JAK2: variants seen among roughly 807,000 people sequenced by gnomAD.
JAK2 encodes the protein tyrosine-protein kinase JAK2.
Under a neutral mutation model 139.3 loss-of-function variants are expected in JAK2, and 86 were observed. That is an observed-to-expected ratio of 0.62 (90% confidence interval 0.52 to 0.74). The LOEUF (loss-of-function observed/expected upper bound fraction) is 0.74. Among genes scored for constraint, JAK2 ranks in the 30% least tolerant of loss-of-function variants. The probability of loss-of-function intolerance (pLI) is 0.00; values close to 1 mark genes in which losing one functional copy is unlikely to be tolerated. For missense variants in JAK2, 1,421 were observed against 1,360.3 expected (o/e 1.04, Z -0.70); for synonymous variants, 490 against 437.7 (o/e 1.12, Z -1.49).
intron 19 of JAK2, among the ~76,000 whole-genome samples, chr9:5,082,810 C>T (rs1382489627): frequency 1.3e-5 from 2 of 152,266 alleles, no homozygotes; most frequent in Non-Finnish European, 2.9e-5. Flanking sequence ...ACATCCTACA[C>T]AGCCCTAGCC....
chr9:5,068,877 TTCTATCA>T (rs1818751330), intron 10 of JAK2, 138 bp from the exon 11 acceptor site: 1 of 494,584 alleles, frequency 2.0e-6, no homozygotes, highest in Non-Finnish European at 3.5e-6. Context: ...AACTAAGTAC[TTCTATCA>T]CTATACTGGC....
At position 5,091,875 on chromosome 9, in the gene JAK2, G is replaced by A. The variant is rs752406000; in HGVS notation, c.3059+964G>A. On this transcript the variant is annotated intron_variant, in intron 22 of 24. Coordinates refer to ENST00000381652, the MANE Select transcript of JAK2 (RefSeq NM_004972.4). ...GTTATGAAATTAAGCTCTATTGCTA[G>A]TAAGAGACCTAGGGTGGTTACACCT... Among the ~76,000 whole-genome samples the A allele has an allele frequency of 7.9e-5, 12 of 152,198 alleles. No individual in the cohort carries two copies. In the South Asian group the frequency reaches 8.3e-4, roughly 11 times the overall value.
At chr9:5,031,772 G>A (rs1371035260) in intron 4 of JAK2, among the ~76,000 whole-genome samples, 2 of 152,198 alleles carry the variant, frequency 1.3e-5, no homozygotes, top group East Asian at 3.8e-4. Flanking sequence ...GAAAAGGCAG[G>A]AGGGTGGAGC....
At chr9:5,068,923 T>C in intron 10 of JAK2, 99 bp from the exon 11 acceptor site, 1 of 691,098 alleles carries the variant, frequency 1.4e-6, no homozygotes, top group Admixed American at 2.8e-5. Flanking sequence ...TTCAAATGTT[T>C]ATTCTGTTGC....
At chr9:5,091,616 A>G (rs1563995705) in intron 22 of JAK2, 1 of 152,186 alleles carries the variant, frequency 6.6e-6, no homozygotes, top group Non-Finnish European at 1.5e-5. Context: ...TTAGATAATT[A>G]ATAGTAGAGT....
At chr9:4,988,457 G>C (rs1820084658) in intron 2 of JAK2, among the ~76,000 whole-genome samples, 1 of 152,322 alleles carries the variant, frequency 6.6e-6, no homozygotes, top group Non-Finnish European at 1.5e-5. Flanking sequence ...TAAGTTGTAA[G>C]GACATAACTA....
At position 5,110,959 on chromosome 9, in the gene JAK2, C is replaced by A. The variant is rs1037620234; in HGVS notation, c.3060-12045C>A. Reference sequence around the variant, plus strand: ...GGCATCCGTGGACACGGACAAGGAGCTCAGTAACCTGGACTTCAGCATGAT... The same window carrying A: ...GGCATCCGTGGACACGGACAAGGAGATCAGTAACCTGGACTTCAGCATGAT... On this transcript the variant is annotated intron_variant, in intron 22 of 24. Coordinates refer to ENST00000381652, the MANE Select transcript of JAK2 (RefSeq NM_004972.4). 1.5e-5 allele frequency: 9 copies of A among 598,788 alleles called. No individual in the cohort carries two copies. In the African/African-American group the frequency reaches 1.7e-4, roughly 11 times the overall value. The allele number at this position is 598,788 out of a possible 1,614,324, so 37.1% of individuals were successfully genotyped here.
chr9:5,079,225 G>A lies in JAK2; in HGVS notation c.2131+781G>A, dbSNP rs562040507. On this transcript the variant is annotated intron_variant, in intron 16 of 24. Transcript: ENST00000381652. ...CTGGAAAATTTTATCCTTTGGAATC[G>A]GAAGTGAAGATGGAAAAAAATGTAT... Among the ~76,000 whole-genome samples the A allele has an allele frequency of 3.9e-5, 6 of 152,240 alleles. No individual in the cohort carries two copies. The East Asian group carries it at 9.6e-4, about 24-fold the overall frequency.
intron 22 of JAK2, chr9:5,112,131 C>T (rs555743942): frequency 6.3e-6 from 2 of 315,508 alleles, no homozygotes; most frequent in African/African-American, 2.2e-5. Context: ...GCAGCCACGC[C>T]ATGGGCACGG....
intron 8 of JAK2, among the ~76,000 whole-genome samples, chr9:5,063,226 A>G (rs755768140): frequency 6.6e-6 from 1 of 152,176 alleles, no homozygotes; most frequent in African/African-American, 2.4e-5. Context: ...TCCAGGAGTT[A>G]ATTATTGCTT....
At chr9:5,010,839 C>T (rs1370025285) in intron 2 of JAK2, among the ~76,000 whole-genome samples, 4 of 152,046 alleles carry the variant, frequency 2.6e-5, no homozygotes, top group Non-Finnish European at 5.9e-5. Context: ...TTTGTTTTGC[C>T]TTGAATTTTG....
In JAK2 at chr9:5,000,855, C is replaced by T. The variant is rs117443890; in HGVS notation, c.-26+14833C>T. On this transcript the variant is annotated intron_variant, in intron 2 of 24. Coordinates refer to ENST00000381652, the MANE Select transcript of JAK2 (RefSeq NM_004972.4). Reference sequence around the variant, plus strand: ...TAAATATCAGGTAAGAACTTGATAACGTATTGGTTGGTTTGCATATGAAAA... The same window carrying T: ...TAAATATCAGGTAAGAACTTGATAATGTATTGGTTGGTTTGCATATGAAAA... Among the ~76,000 whole-genome samples, 424 of 152,208 alleles carry T rather than the reference C, an allele frequency of 2.8e-3. 1 individual carries two copies. The highest frequency in any genetic ancestry group is 0.018 in the East Asian group (92 of 5,184).
At chr9:5,124,120 G>T (rs564376126) in intron 23 of JAK2, among the ~76,000 whole-genome samples, 4 of 151,794 alleles carry the variant, frequency 2.6e-5, no homozygotes, top group Non-Finnish European at 5.9e-5. Context: ...TTCCTTGTCA[G>T]ATACAAAGTT....
In JAK2 at chr9:5,064,973, C is replaced by T; in HGVS notation, c.1147C>T (p.Leu383Phe). 1 of 1,608,808 alleles carries T rather than the reference C, an allele frequency of 6.2e-7. No individual in the cohort carries two copies. Among genetic ancestry groups the T allele is most frequent in the South Asian group, 1.1e-5 (1 of 90,456 alleles). Residue 383 changes from leucine to phenylalanine, a missense_variant, in exon 9 of 25, where the codon CTC becomes TTC. Physicochemically the swap from Leu to Phe is conservative, Grantham distance 22. Transcript: ENST00000381652. ...ATTAACTGCAGATGCACATCATTACCTCTGTAAAGAAGTAGCACCTCCAGC... is the reference window on the plus strand; with the variant it reads ...ATTAACTGCAGATGCACATCATTACTTCTGTAAAGAAGTAGCACCTCCAGC... ...YRLTADAHHY[L>F]CKEVAPPAVL... is the part of the protein sequence containing the mutation.
chr9:5,100,844 A>G (rs1326602186), intron 22 of JAK2: 2 of 152,280 alleles, frequency 1.3e-5, no homozygotes, highest in African/African-American at 4.8e-5. Flanking sequence ...ACAGGCTTTC[A>G]TGGATTTCAT....
rs568459884 is a variant in JAK2 at position 4,993,155 on chromosome 9, T to A, written c.-26+7133T>A. Among the ~76,000 whole-genome samples the A allele has an allele frequency of 6.6e-5, 10 of 152,350 alleles. 1 individual carries two copies. The South Asian group carries it at 2.1e-3, about 32-fold the overall frequency. On this transcript the variant is annotated intron_variant, in intron 2 of 24. Transcript: ENST00000381652. Reference sequence around the variant, plus strand: ...TGTAAGTTTATAATCTGTACTGCCATACCCACAAATCTCTTTTGAGAGGAA... The same window carrying A: ...TGTAAGTTTATAATCTGTACTGCCAAACCCACAAATCTCTTTTGAGAGGAA...
At chr9:5,041,226 C>T (rs906993901) in intron 4 of JAK2, 156 of 1,468,582 alleles carry the variant, frequency 1.1e-4, no homozygotes, top group Admixed American at 7.0e-4. Context: ...GTGGGGCGCC[C>T]GGGGACCAAG....
At chr9:5,118,475 C>A (rs1202362600) in intron 22 of JAK2, among the ~76,000 whole-genome samples, 1 of 152,110 alleles carries the variant, frequency 6.6e-6, no homozygotes. Flanking sequence ...ATTGAAGTTA[C>A]TAGGATACAG....
intron 2 of JAK2, among the ~76,000 whole-genome samples, chr9:5,000,264 A>T (rs1472902469): frequency 6.6e-6 from 1 of 152,154 alleles, no homozygotes; most frequent in Non-Finnish European, 1.5e-5. Context: ...AAGGAGGTAC[A>T]TAATGTGACA....
Sources: gnomAD v4.1 joint callset for allele counts (sites outside exome capture counted in the v4.1 genomes callset) on GRCh38, gnomAD v4.1.1 for gene constraint, MANE v1.5 for transcripts, NCBI Gene and HGNC (gene_info 2026-07-23, HGNC 2026-07-21) for gene names.